CSGALNACT1: variants seen among roughly 807,000 people sequenced by gnomAD.
CSGALNACT1 encodes beta4GalNAcT-1.
A neutral mutation model predicts 51.0 loss-of-function variants in CSGALNACT1; 52 were observed. That is an observed-to-expected ratio of 1.02 (90% CI 0.82 to 1.29). CSGALNACT1 has a LOEUF of 1.29. Ranked by LOEUF, CSGALNACT1 falls within the 50% of genes most tolerant of loss-of-function variation. The probability of loss-of-function intolerance (pLI) is 0.00; values close to 1 mark genes in which losing one functional copy is unlikely to be tolerated. For synonymous variants in CSGALNACT1, 341 were observed against 254.4 expected (o/e 1.34, Z -3.24); for missense variants, 935 against 679.2 (o/e 1.38, Z -4.19).
At position 19,482,470 on chromosome 8, in the gene CSGALNACT1, T is replaced by A. The variant is rs941783314; in HGVS notation, c.634+22731A>T. ...TCCCCAATCCAGGCCAGCAATGACT[T>A]CTTCTGCTACATCCAATAGATCCTG... On this transcript the variant is annotated intron_variant, in intron 4 of 9. Coordinates refer to ENST00000454498, the Ensembl canonical transcript of CSGALNACT1. Among the ~76,000 whole-genome samples, 4 of 152,068 alleles carry A rather than the reference T, an allele frequency of 2.6e-5. No individual in the cohort carries two copies. In the South Asian group the frequency reaches 6.2e-4, roughly 24 times the overall value.
chr8:19,431,410 A>C (rs1042373598), intron 6 of CSGALNACT1, among the ~76,000 whole-genome samples: 4 of 152,030 alleles, frequency 2.6e-5, no homozygotes, highest in African/African-American at 7.2e-5. Flanking sequence ...TTTCCTATGC[A>C]TATTGAGATG....
chr8:19,477,117 CT>C (rs1443340670), intron 4 of CSGALNACT1, among the ~76,000 whole-genome samples: 3 of 152,220 alleles, frequency 2.0e-5, no homozygotes, highest in Non-Finnish European at 4.4e-5. Flanking sequence ...TGTATGTTCT[CT>C]GACAAGTTCA....
At chr8:19,683,793 A>T (rs932330738), upstream of CSGALNACT1, among the ~76,000 whole-genome samples, 1 of 151,226 alleles carries the variant, frequency 6.6e-6, no homozygotes, top group Non-Finnish European at 1.5e-5. Context: ...AAATGTAAGA[A>T]AAGTCAAGAA....
chr8:19,471,677 G>A (rs1391453127), intron 4 of CSGALNACT1, among the ~76,000 whole-genome samples: 2 of 152,196 alleles, frequency 1.3e-5, no homozygotes, highest in Non-Finnish European at 1.5e-5. Context: ...CAGGTTGAGA[G>A]AGGAGCAGAG....
intron 3 of CSGALNACT1, among the ~76,000 whole-genome samples, chr8:19,573,269 C>G (rs894689655): frequency 6.6e-6 from 1 of 152,170 alleles, no homozygotes; most frequent in African/African-American, 2.4e-5. Flanking sequence ...GAATGTTGAA[C>G]AAGCACAACT....
chr8:19,507,737 C>T (rs1365205842), intron 3 of CSGALNACT1, among the ~76,000 whole-genome samples: 4 of 152,184 alleles, frequency 2.6e-5, no homozygotes, highest in African/African-American at 2.4e-5. Flanking sequence ...AAGCGATTCC[C>T]CTGCCTCAGC....
Position 19,456,385 on chromosome 8 carries a change from T to G in CSGALNACT1, c.851+2041A>C, listed in dbSNP as rs75957430. ...TCAGGACCCTGAACCCAGTAAGACA[T>G]AGGCAGCTTCTTTGCCAAATGAACT... On this transcript the variant is annotated intron_variant, in intron 5 of 9. Transcript: ENST00000454498. 1.3e-5 allele frequency among the ~76,000 whole-genome samples: 2 copies of G among 152,130 alleles called. 1 individual carries two copies. The highest frequency in any genetic ancestry group is 4.1e-4 in the South Asian group (2 of 4,826).
At chr8:19,492,345 T>C (rs1393296615) in intron 4 of CSGALNACT1, among the ~76,000 whole-genome samples, 1 of 152,214 alleles carries the variant, frequency 6.6e-6, no homozygotes, top group East Asian at 1.9e-4. Flanking sequence ...GCCTGGGATG[T>C]AGTAGACATT....
intron 9 of CSGALNACT1, among the ~76,000 whole-genome samples, chr8:19,407,844 T>A (rs1399063352): frequency 2.0e-5 from 3 of 151,976 alleles, no homozygotes; most frequent in Admixed American, 2.0e-4. Context: ...ATGAATTGTG[T>A]GCGCATGTGG....
At chr8:19,405,941 G>A (rs776407676) in exon 10 of CSGALNACT1, 13 of 1,614,110 alleles carry the variant, frequency 8.1e-6, no homozygotes, top group East Asian at 4.5e-5. Flanking sequence ...TCCATGCAGC[G>A]CTTCTCATGC....
chr8:19,664,895 T>C, intron 1 of CSGALNACT1, among the ~76,000 whole-genome samples: 1 of 152,260 alleles, frequency 6.6e-6, no homozygotes, highest in African/African-American at 2.4e-5. Context: ...AATGGGAGGA[T>C]GGGGGGTGAG....
intron 6 of CSGALNACT1, among the ~76,000 whole-genome samples, chr8:19,420,737 C>A (rs1386564793): frequency 6.6e-6 from 1 of 152,198 alleles, no homozygotes; most frequent in South Asian, 2.1e-4. Flanking sequence ...ACACTAATTT[C>A]TTCCTTGTTT....
chr8:19,715,728 T>C (rs2062768137), intron 1 of CSGALNACT1, among the ~76,000 whole-genome samples: 1 of 152,168 alleles, frequency 6.6e-6, no homozygotes, highest in African/African-American at 2.4e-5. Context: ...GGGCACATCT[T>C]TCCTTCTGCT....
At chr8:19,736,311 G>C (rs1466866620) in intron 1 of CSGALNACT1, among the ~76,000 whole-genome samples, 1 of 152,080 alleles carries the variant, frequency 6.6e-6, no homozygotes, top group Non-Finnish European at 1.5e-5. Flanking sequence ...CGACAGACTT[G>C]AGTAGTTGTA....
chr8:19,563,111 G>C (rs551441416), intron 3 of CSGALNACT1, among the ~76,000 whole-genome samples: 1 of 152,154 alleles, frequency 6.6e-6, no homozygotes, highest in Non-Finnish European at 1.5e-5. Flanking sequence ...AAAGAAAGGA[G>C]ATCATGTCCT....
intron 6 of CSGALNACT1, among the ~76,000 whole-genome samples, chr8:19,435,481 G>C (rs567713458): frequency 2.2e-5 from 3 of 137,428 alleles, no homozygotes; most frequent in Non-Finnish European, 3.1e-5. Flanking sequence ...AAAAAAGTGA[G>C]ACTCTGAATC....
chr8:19,695,019 T>A (rs115988083), intron 1 of CSGALNACT1, among the ~76,000 whole-genome samples: 2,215 of 152,240 alleles, frequency 0.015, 29 homozygotes, highest in South Asian at 0.046. Flanking sequence ...AGGCCCCCCA[T>A]CTACAGCTCA....
chr8:19,429,312 G>T (rs1450509077), intron 6 of CSGALNACT1, among the ~76,000 whole-genome samples: 5 of 152,168 alleles, frequency 3.3e-5, no homozygotes, highest in Admixed American at 3.3e-4. Flanking sequence ...CAGTACCTGG[G>T]ATTACAGGTG....
chr8:19,637,396 A>C (rs913929265), intron 1 of CSGALNACT1, among the ~76,000 whole-genome samples: 1 of 152,066 alleles, frequency 6.6e-6, no homozygotes, highest in African/African-American at 2.4e-5. Context: ...ACTTGGGAAG[A>C]TTTTTATTTT....
Sources: gnomAD v4.1 joint callset for allele counts (sites outside exome capture counted in the v4.1 genomes callset) on GRCh38, gnomAD v4.1.1 for gene constraint, MANE v1.5 for transcripts, NCBI Gene and HGNC (gene_info 2026-07-23, HGNC 2026-07-21) for gene names.